The following BCL9 variants were observed in gnomAD, a reference collection of about 807,000 sequenced individuals.
The protein encoded by BCL9 is B-cell CLL/lymphoma 9 protein.
A neutral mutation model predicts 88.5 loss-of-function variants in BCL9; 25 were observed. That is an observed-to-expected ratio of 0.28 (90% CI 0.21 to 0.39). The LOEUF is 0.39. Ranked by LOEUF, BCL9 falls within the 10% of genes least tolerant of loss-of-function variation. The probability of loss-of-function intolerance (pLI) is 1.00; values close to 1 mark genes in which losing one functional copy is unlikely to be tolerated. For missense variants in BCL9, 1,817 were observed against 1,877.8 expected (o/e 0.97, Z 0.60); for synonymous variants, 711 against 673.3 (o/e 1.06, Z -0.87).
At chr1:147,609,893 G>T (rs1553202417) in intron 3 of BCL9, among the ~76,000 whole-genome samples, 1 of 152,206 alleles carries the variant, frequency 6.6e-6, no homozygotes, top group Non-Finnish European at 1.5e-5. Flanking sequence ...TTTTCACAGG[G>T]TGATAAAATA....
At chr1:147,603,874 C>A (rs1657522882) in intron 1 of BCL9, among the ~76,000 whole-genome samples, 1 of 151,888 alleles carries the variant, frequency 6.6e-6, no homozygotes. Flanking sequence ...AACAGAGGAC[C>A]CCCTTCTGAG....
chr1:147,547,002 G>GTTT (rs1222827546), intron 1 of BCL9, among the ~76,000 whole-genome samples: 11 of 149,320 alleles, frequency 7.4e-5, no homozygotes, highest in African/African-American at 2.2e-4. Context: ...TAAAAATCGT[G>GTTT]TTTTTTTTTA....
At chr1:147,602,063 G>C (rs1376109387) in intron 1 of BCL9, among the ~76,000 whole-genome samples, 6 of 151,962 alleles carry the variant, frequency 3.9e-5, no homozygotes, top group African/African-American at 1.5e-4. Flanking sequence ...ACCACGTCCA[G>C]CTAATTTATG....
rs587737938 is a variant in BCL9, at chr1:147,594,393, T to C, written c.-477-10384T>C. ...GAGTTTTAAGCCTAAGTGAAAGATA[T>C]AGGGAATTCAGAAGTGAGACTTAAT... is the stretch of plus-strand genomic sequence containing the variant. On this transcript the variant is annotated intron_variant, in intron 1 of 9. Coordinates refer to ENST00000234739, the MANE Select transcript of BCL9 (RefSeq NM_004326.4). 9.8e-5 allele frequency among the ~76,000 whole-genome samples: 15 copies of C among 152,296 alleles called. No individual in the cohort carries two copies. The East Asian group carries it at 2.3e-3, about 23-fold the overall frequency.
intron 1 of BCL9, among the ~76,000 whole-genome samples, chr1:147,579,333 G>A (rs979676571): frequency 2.0e-5 from 3 of 152,072 alleles, no homozygotes; most frequent in Non-Finnish European, 4.4e-5. Context: ...TTGATTTTTG[G>A]CATATTCATT....
chr1:147,620,598 A>G lies in BCL9; in HGVS notation c.2443A>G (p.Ser815Gly), dbSNP rs149649108. The change falls in exon 8 of 10, where the codon AGT becomes GGT. Residue 815 changes from serine (S) to glycine (G), a missense_variant. By Grantham distance (56) the Ser-to-Gly change is moderately conservative. Transcript: ENST00000234739. ...GPDQRTNSRL[S>G]HMPPLPLNPS... ...CGACCAGAGGACTAACAGCCGGCTC[A>G]GTCATATGCCACCACTACCTCTCAA... 5.6e-6 allele frequency: 9 copies of G among 1,614,066 alleles called. No homozygotes were observed. The East Asian group carries it at 8.9e-5, about 16-fold the overall frequency.
At position 147,566,749 on chromosome 1, in the gene BCL9, G is replaced by T. The variant is rs1025923922; in HGVS notation, c.-478+25075G>T. ...CCAGCCCTGGGTGACAGAGCGAGAC[G>T]CTGTCTCAAAAAAAAAGAAAAAAAA... is the stretch of plus-strand genomic sequence containing the variant. On this transcript the variant is annotated intron_variant, in intron 1 of 9. Transcript: ENST00000234739. 6.4e-5 allele frequency among the ~76,000 whole-genome samples: 7 copies of T among 110,058 alleles called. No homozygotes were observed. In the South Asian group the frequency reaches 1.7e-3, roughly 27 times the overall value. 72.2% of individuals were successfully genotyped at this position (110,058 alleles called of 152,430 possible). A position where few individuals can be genotyped will look rare whatever the true frequency, so the allele number is the denominator to read the frequency against.
intron 1 of BCL9, among the ~76,000 whole-genome samples, chr1:147,559,108 T>A (rs1553195748): frequency 7.1e-6 from 1 of 141,508 alleles, no homozygotes; most frequent in Non-Finnish European, 1.5e-5. Flanking sequence ...ATTTTGAAGG[T>A]TTTTTCTTTC....
intron 1 of BCL9, among the ~76,000 whole-genome samples, chr1:147,585,543 T>G (rs929113554): frequency 6.6e-6 from 1 of 152,172 alleles, no homozygotes; most frequent in Non-Finnish European, 1.5e-5. Flanking sequence ...CATGGAGGTA[T>G]TAGGGTCATT....
At chr1:147,622,248 T>C in intron 8 of BCL9, 23 bp from the exon 9 acceptor site, 4 of 1,613,126 alleles carry the variant, frequency 2.5e-6, no homozygotes, top group Non-Finnish European at 3.4e-6. Flanking sequence ...CTGCCCGTTT[T>C]GTTTTATTTT....
intron 1 of BCL9, among the ~76,000 whole-genome samples, chr1:147,597,603 T>A (rs1553200627): frequency 6.6e-6 from 1 of 152,184 alleles, no homozygotes; most frequent in Non-Finnish European, 1.5e-5. Context: ...TACACCAAAA[T>A]AGAATTCTTT....
rs1553204818 is a variant in BCL9 at position 147,619,906 on chromosome 1, G to T, written c.1751G>T (p.Arg584Ile). 1 of 1,614,186 alleles carries T rather than the reference G, an allele frequency of 6.2e-7. No homozygotes were observed. Among genetic ancestry groups the T allele is most frequent in the Admixed American group, 1.7e-5 (1 of 60,018 alleles). Residue 584 changes from arginine to isoleucine, a missense_variant, in exon 8 of 10, where the codon AGA becomes ATA. This residue lies in a region of BCL9 where 1,228 missense variants were observed against 1,191.6 expected (regional missense o/e 1.03). Transcript: ENST00000234739. This position sits in a 1 kb window ranked among gnomAD's most constrained non-coding sequence, Gnocchi z 4.1. ...CCGAATGTCCCCAACCCTGCATCTAGACCAGGTCTTTCTGGAGTCAGTTGG... is the reference window on the plus strand; with the variant it reads ...CCGAATGTCCCCAACCCTGCATCTATACCAGGTCTTTCTGGAGTCAGTTGG... Reference protein sequence around the residue: ...EGPNVPNPASRPGLSGVSWPD... With the variant: ...EGPNVPNPASIPGLSGVSWPD...
At chr1:147,565,982 C>A (rs1655577335) in intron 1 of BCL9, among the ~76,000 whole-genome samples, 1 of 152,156 alleles carries the variant, frequency 6.6e-6, no homozygotes, top group South Asian at 2.1e-4. Flanking sequence ...TTGCTAGAAC[C>A]CCAAACTACT....
At chr1:147,567,933 T>C (rs587669856) in intron 1 of BCL9, among the ~76,000 whole-genome samples, 1 of 152,282 alleles carries the variant, frequency 6.6e-6, no homozygotes, top group South Asian at 2.1e-4. Flanking sequence ...ATTGCAGCTC[T>C]AACAATCACA....
intron 1 of BCL9, among the ~76,000 whole-genome samples, chr1:147,550,576 C>T (rs1654846162): frequency 6.6e-6 from 1 of 152,140 alleles, no homozygotes; most frequent in African/African-American, 2.4e-5. Flanking sequence ...AATATATTGA[C>T]ATGGATCCCA....
At chr1:147,591,736 T>C (rs1276215144) in intron 1 of BCL9, among the ~76,000 whole-genome samples, 2 of 152,200 alleles carry the variant, frequency 1.3e-5, no homozygotes, top group Non-Finnish European at 2.9e-5. Context: ...CTCCTGGAAC[T>C]GCCCAAATCC....
intron 1 of BCL9, among the ~76,000 whole-genome samples, chr1:147,597,143 A>G (rs139251495): frequency 4.7e-4 from 71 of 152,314 alleles, no homozygotes; most frequent in African/African-American, 1.6e-3. Flanking sequence ...TTGAACTTCT[A>G]TGCCTTAGCA....
Position 147,611,765 on chromosome 1 carries a change from G to GT in BCL9, c.-69dup. 2 of 1,494,722 alleles carry GT rather than the reference G, an allele frequency of 1.3e-6. No homozygotes were observed. Among genetic ancestry groups the GT allele is most frequent in the South Asian group, 2.3e-5 (2 of 88,448 alleles). The allele number at this position is 1,494,722 out of a possible 1,614,324, so 92.6% of individuals were successfully genotyped here. On this transcript the variant is annotated 5_prime_UTR_variant, in exon 4 of 10. The change abolishes the stop of an existing upstream ORF in the 5' untranslated region. Transcript: ENST00000234739. The stretch of plus-strand genomic sequence containing the variant: ...GCCAGTGCCACTGCCCCCAGCAGCT[G>GT]TTTCTGCTGCAACCCGAGAGGAACT...
Position 147,625,032 on chromosome 1 carries a change from C to G in BCL9, c.*73C>G. On this transcript the variant is annotated 3_prime_UTR_variant, in exon 10 of 10. Transcript: ENST00000234739. ...TCCTGAGAGCTGCTTTGAGGGAGTT[C>G]CAGGAGTACTTACTATTGGTCATGC... 6.5e-7 allele frequency: 1 copy of G among 1,528,226 alleles called. No individual in the cohort carries two copies. Among genetic ancestry groups the G allele is most frequent in the South Asian group, 1.3e-5 (1 of 78,808 alleles). The allele number at this position is 1,528,226 out of a possible 1,614,324, so 94.7% of individuals were successfully genotyped here. A position where few individuals can be genotyped will look rare whatever the true frequency, so the allele number is the denominator to read the frequency against.
Sources: gnomAD v4.1 joint callset for allele counts (sites outside exome capture counted in the v4.1 genomes callset) on GRCh38, gnomAD v4.1.1 for gene constraint, gnomAD v4.1.1 regional missense constraint, Gnocchi (gnomAD v3.1) non-coding constraint, MANE v1.5 for transcripts, NCBI Gene and HGNC (gene_info 2026-07-23, HGNC 2026-07-21) for gene names.